Variants in ZNF292 observed in about 807,000 individuals in gnomAD.
ZNF292 encodes 16 zinc-finger domain protein.
A neutral mutation model predicts 217.9 loss-of-function variants in ZNF292; 26 were observed. The ratio of observed to expected loss-of-function variants is 0.12; its 90% CI spans 0.09 to 0.17. The LOEUF (loss-of-function observed/expected upper bound fraction) is 0.17. ZNF292 is among the 10% of genes least tolerant of loss of function. ZNF292 has a pLI of 1.00. For missense variants in ZNF292, 2,904 were observed against 3,175.2 expected, an observed-to-expected ratio of 0.91 and a Z score of 2.05; for synonymous variants, 1,257 against 1,124.1, an observed-to-expected ratio of 1.12 and a Z score of -2.37.
At chr6:87,156,755 CTGTT>C (rs1389002281) in intron 1 of ZNF292, among the ~76,000 whole-genome samples, 2 of 152,226 alleles carry the variant, frequency 1.3e-5, no homozygotes, top group Non-Finnish European at 2.9e-5. Context: ...GTTAATAACA[CTGTT>C]TGCTAGTGAT....
At chr6:87,204,592 T>G (rs969881768) in intron 1 of ZNF292, among the ~76,000 whole-genome samples, 10 of 133,676 alleles carry the variant, frequency 7.5e-5, no homozygotes, top group African/African-American at 1.5e-4. Flanking sequence ...ATACTAAGTC[T>G]CGCTCTTATC....
At chr6:87,177,186 G>A (rs1321038759) in intron 1 of ZNF292, among the ~76,000 whole-genome samples, 1 of 152,156 alleles carries the variant, frequency 6.6e-6, no homozygotes, top group Non-Finnish European at 1.5e-5. Context: ...AATTAGCTGG[G>A]GGTGGTGGCA....
chr6:87,237,228 A>G (rs868804974), intron 5 of ZNF292, among the ~76,000 whole-genome samples: 8 of 152,080 alleles, frequency 5.3e-5, no homozygotes, highest in African/African-American at 1.9e-4. Context: ...AAGCAAATCA[A>G]TTTTTTAAAC....
Position 87,261,929 on chromosome 6 carries a change from AAAAAG to A in ZNF292, c.*133_*137del, listed in dbSNP as rs1775626113. Reference sequence around the variant, plus strand: ...ACATGAATTAACCTGGCCAAAAACAAAAAAGAAAAAAAAAACATGACATTTGTCAT... The same window carrying A: ...ACATGAATTAACCTGGCCAAAAACAAAAAAAAAAAACATGACATTTGTCAT... On this transcript the variant is annotated 3_prime_UTR_variant, in exon 8 of 8. Coordinates refer to ENST00000369577, the MANE Select transcript of ZNF292 (RefSeq NM_015021.3). The A allele has an allele frequency of 4.5e-6, 3 of 672,696 alleles. No homozygotes were observed. Among genetic ancestry groups the A allele is most frequent in the Non-Finnish European group, 6.6e-6 (3 of 455,790 alleles). The allele number at this position is 672,696 out of a possible 1,614,324, so 41.7% of individuals were successfully genotyped here.
chr6:87,158,491 CA>C (rs1770618366), intron 1 of ZNF292, among the ~76,000 whole-genome samples: 1 of 151,892 alleles, frequency 6.6e-6, no homozygotes, highest in African/African-American at 2.4e-5. Flanking sequence ...CCCTTCTCTA[CA>C]AAAAATACAA....
intron 1 of ZNF292, among the ~76,000 whole-genome samples, chr6:87,192,463 A>G (rs1007552993): frequency 1.3e-5 from 2 of 151,974 alleles, no homozygotes; most frequent in Admixed American, 1.3e-4. Context: ...CATGTTGTAC[A>G]TTCCAATATA....
chr6:87,259,652 A>G lies in ZNF292; in HGVS notation c.6023A>G (p.Gln2008Arg). The change falls in exon 8 of 8, where the codon CAG becomes CGG. Residue 2008 changes from glutamine (Q) to arginine (R), a missense_variant. By Grantham distance (43) the Gln-to-Arg change is conservative (BLOSUM62 1). Around this residue, in one of 15 missense-constraint regions of ZNF292, gnomAD observed 261 missense variants for 272.8 expected, o/e 0.96. Coordinates refer to ENST00000369577, the MANE Select transcript of ZNF292 (RefSeq NM_015021.3). ...TCACGAAGTACACAAGTGAAAAAAC[A>G]GCTAGCTATGACAGAGGAAAATAAA... is the stretch of plus-strand genomic sequence containing the variant. ...PASRSTQVKK[Q>R]LAMTEENKKE... 6.3e-7 allele frequency: 1 copy of G among 1,587,790 alleles called. No individual in the cohort carries two copies. The highest frequency in any genetic ancestry group is 8.6e-7 in the Non-Finnish European group (1 of 1,166,478).
intron 5 of ZNF292, among the ~76,000 whole-genome samples, chr6:87,240,783 C>G (rs1396304909): frequency 1.3e-5 from 2 of 152,176 alleles, no homozygotes; most frequent in Admixed American, 6.5e-5. Context: ...ATGAGACTTT[C>G]AAGAAATACG....
At chr6:87,227,805 A>G (rs1335479698) in intron 4 of ZNF292, among the ~76,000 whole-genome samples, 2 of 152,206 alleles carry the variant, frequency 1.3e-5, no homozygotes, top group African/African-American at 2.4e-5. Flanking sequence ...ATATTCCATT[A>G]TATGTTTATA....
intron 7 of ZNF292, among the ~76,000 whole-genome samples, chr6:87,250,469 A>AT (rs1175667782): frequency 6.6e-6 from 1 of 152,152 alleles, no homozygotes; most frequent in Non-Finnish European, 1.5e-5. Flanking sequence ...GGAAAAAAAA[A>AT]TTCTATAGAG....
intron 1 of ZNF292, among the ~76,000 whole-genome samples, chr6:87,186,077 G>T (rs1771642126): frequency 1.3e-5 from 2 of 152,154 alleles, no homozygotes; most frequent in Admixed American, 1.3e-4. Flanking sequence ...CCAGAGGTTG[G>T]GGGGACAGGT....
intron 4 of ZNF292, among the ~76,000 whole-genome samples, chr6:87,221,640 TTTTC>T (rs746582747): frequency 5.9e-5 from 9 of 152,192 alleles, no homozygotes; most frequent in Non-Finnish European, 1.3e-4. Context: ...TCTTCTTTTC[TTTTC>T]TTTAATTTTT....
chr6:87,248,245 G>A (rs1483590392), intron 7 of ZNF292, among the ~76,000 whole-genome samples: 1 of 152,158 alleles, frequency 6.6e-6, no homozygotes, highest in African/African-American at 2.4e-5. Flanking sequence ...AAGACCAAAA[G>A]ATACTTCCCT....
At chr6:87,213,767 C>T (rs533375652) in intron 1 of ZNF292, 40 of 152,374 alleles carry the variant, frequency 2.6e-4, no homozygotes, top group African/African-American at 9.1e-4. Context: ...GGAAGCTAAA[C>T]TTTAAAATGG....
chr6:87,233,709 T>C (rs910023037), intron 5 of ZNF292, 182 bp downstream of exon 5: 1 of 907,376 alleles, frequency 1.1e-6, no homozygotes, highest in Non-Finnish European at 1.3e-6. Flanking sequence ...ATATGTAAAC[T>C]GATTGCACCT....
chr6:87,198,298 G>T (rs1286853014), intron 1 of ZNF292, among the ~76,000 whole-genome samples: 1 of 151,978 alleles, frequency 6.6e-6, no homozygotes. Flanking sequence ...TCCGCCTCCC[G>T]GGTTCACACC....
rs372847531 is a variant in ZNF292 at position 87,256,718 on chromosome 6, C to A, written c.3089C>A (p.Thr1030Asn). 1.9e-6 allele frequency: 3 copies of A among 1,612,762 alleles called. No homozygotes were observed. Among genetic ancestry groups the A allele is most frequent in the Admixed American group, 1.7e-5 (1 of 59,970 alleles). ...GAAAGACAAGTGAACAACTTGATGA[C>A]CTTTTCTGTGCAAAATCAGGCAGCA... ...NLERQVNNLM[T>N]FSVQNQAAFQ... is the part of the protein sequence containing the mutation. The change falls in exon 8 of 8, where the codon ACC (threonine) becomes AAC (asparagine). Residue 1030 changes from threonine (T) to asparagine (N), a missense_variant. Transcript: ENST00000369577.
Position 87,249,518 on chromosome 6 carries a change from CT to C in ZNF292, c.1020+3883del, listed in dbSNP as rs1215515096. ...TTCTTGTTGCATGAAATGTTTTTCC[CT>C]TTTTTTTTCTACTTTCTGAAATCTG... On this transcript the variant is annotated intron_variant, in intron 7 of 7. Transcript: ENST00000369577. The C allele has an allele frequency of 5.7e-5, 9 of 158,254 alleles. No homozygotes were observed. In the South Asian group the frequency reaches 6.4e-4, roughly 11 times the overall value. 9.8% of individuals were successfully genotyped at this position (158,254 alleles called of 1,614,324 possible). A position where few individuals can be genotyped will look rare whatever the true frequency, so the allele number is the denominator to read the frequency against.
chr6:87,232,942 G>GT (rs1773727282), intron 4 of ZNF292, among the ~76,000 whole-genome samples: 1 of 152,070 alleles, frequency 6.6e-6, no homozygotes, highest in Admixed American at 6.5e-5. Context: ...GTGGAAGGTT[G>GT]TAATGCCCTA....
Sources: allele counts gnomAD v4.1 joint callset (sites outside exome capture counted in the v4.1 genomes callset), GRCh38; gene constraint gnomAD v4.1.1; regional missense constraint gnomAD v4.1.1; transcripts MANE v1.5; gene names NCBI Gene and HGNC (gene_info 2026-07-23, HGNC 2026-07-21).